The following TMEM108 variants were observed in gnomAD, a reference collection of about 807,000 sequenced individuals.
The protein encoded by TMEM108 is cancer/testis antigen 124.
A neutral mutation model predicts 35.1 loss-of-function variants in TMEM108; 12 were observed. The observed-to-expected ratio is 0.34, with a 90% CI of 0.22 to 0.55. The LOEUF (loss-of-function observed/expected upper bound fraction) is 0.55, where lower values mean the gene tolerates loss of function less well. Ranked by LOEUF, TMEM108 falls within the 20% of genes least tolerant of loss-of-function variation. The pLI is 0.89. For synonymous variants in TMEM108, 287 were observed against 308.6 expected, an observed-to-expected ratio of 0.93 and a Z score of 0.73; for missense variants, 680 against 753.3, an observed-to-expected ratio of 0.90 and a Z score of 1.14.
chr3:133,203,606 T>C (rs1243059442), intron 2 of TMEM108, among the ~76,000 whole-genome samples: 1 of 152,230 alleles, frequency 6.6e-6, no homozygotes, highest in Admixed American at 6.5e-5. Context: ...TTCATTGATT[T>C]GCATATGTTG....
intron 2 of TMEM108, among the ~76,000 whole-genome samples, chr3:133,227,242 G>C (rs528298753): frequency 2.2e-5 from 3 of 138,918 alleles, no homozygotes; most frequent in African/African-American, 8.1e-5. Context: ...GCCCAGGCTG[G>C]AGTGCAGTGG....
intron 2 of TMEM108, among the ~76,000 whole-genome samples, chr3:133,071,893 T>C (rs1279751341): frequency 6.6e-6 from 1 of 152,202 alleles, no homozygotes; most frequent in Non-Finnish European, 1.5e-5. Context: ...TCTGATATCA[T>C]ATCCAAGAAA....
intron 2 of TMEM108, among the ~76,000 whole-genome samples, chr3:133,055,310 T>C (rs987227989): frequency 2.6e-5 from 4 of 152,204 alleles, no homozygotes; most frequent in African/African-American, 9.7e-5. Flanking sequence ...TAACTCAAAT[T>C]TGTGCATATA....
chr3:133,304,470 A>G (rs573355758), intron 3 of TMEM108, among the ~76,000 whole-genome samples: 2 of 152,074 alleles, frequency 1.3e-5, no homozygotes, highest in East Asian at 1.9e-4. Flanking sequence ...TGTCACCCCA[A>G]AAAGTTTCTT....
At chr3:133,167,475 G>A (rs371574525) in intron 2 of TMEM108, among the ~76,000 whole-genome samples, 31 of 152,384 alleles carry the variant, frequency 2.0e-4, no homozygotes, top group Admixed American at 9.1e-4. Context: ...AGCTCGGGCC[G>A]TGCAGGAGCC....
At chr3:133,237,810 T>G (rs748713391) in intron 3 of TMEM108, among the ~76,000 whole-genome samples, 1 of 152,220 alleles carries the variant, frequency 6.6e-6, no homozygotes, top group Admixed American at 6.5e-5. Flanking sequence ...AAATGCTTTT[T>G]CATTAAAAAT....
intron 3 of TMEM108, among the ~76,000 whole-genome samples, chr3:133,363,013 C>A (rs1459560834): frequency 6.6e-6 from 1 of 152,140 alleles, no homozygotes; most frequent in Non-Finnish European, 1.5e-5. Context: ...AGGAGCCAAG[C>A]AGAATGGGAT....
rs533831384 is a variant in TMEM108 at position 133,179,921 on chromosome 3, A to G, written c.-46-49345A>G. ...GCAACCCCTTATGAATTACACCTCA[A>G]TTTTAAAAAGTAGCCTCAATATAAG... On this transcript the variant is annotated intron_variant, in intron 2 of 5. Transcript: ENST00000321871. Among the ~76,000 whole-genome samples the G allele has an allele frequency of 7.2e-5, 11 of 152,190 alleles. No homozygotes were observed. The East Asian group carries it at 9.6e-4, about 13-fold the overall frequency.
chr3:133,085,955 G>A (rs1174103469), intron 2 of TMEM108, among the ~76,000 whole-genome samples: 1 of 152,092 alleles, frequency 6.6e-6, no homozygotes, highest in Non-Finnish European at 1.5e-5. Flanking sequence ...TTCTAAATCA[G>A]GGGTTTCTAT....
chr3:133,274,426 G>A (rs78261864), intron 3 of TMEM108, among the ~76,000 whole-genome samples: 2,520 of 152,230 alleles, frequency 0.017, 85 homozygotes, highest in African/African-American at 0.058. Flanking sequence ...TGCATGCACA[G>A]TGCCTGGAGG....
chr3:133,167,709 C>A (rs1259581188), intron 2 of TMEM108, among the ~76,000 whole-genome samples: 3 of 152,188 alleles, frequency 2.0e-5, no homozygotes, highest in Admixed American at 6.5e-5. Context: ...CGAGCCCACA[C>A]CCACCCGGAA....
rs189540571 is a variant in TMEM108, at chr3:133,107,182, A to G, written c.-47+61162A>G. On this transcript the variant is annotated intron_variant, in intron 2 of 5. Transcript: ENST00000321871. ...AGTATTTACAAATTAACTGAATTCT[A>G]TGTCATTTGGGCCTGGAGAGGAGTC... Among the ~76,000 whole-genome samples the G allele has an allele frequency of 7.9e-5, 12 of 152,278 alleles. No homozygotes were observed. In the East Asian group the frequency reaches 2.3e-3, roughly 29 times the overall value.
chr3:133,345,863 G>T (rs891302431), intron 3 of TMEM108, among the ~76,000 whole-genome samples: 3 of 151,906 alleles, frequency 2.0e-5, no homozygotes, highest in Non-Finnish European at 4.4e-5. Flanking sequence ...TATGAATTTT[G>T]CTGTATGCAA....
intron 3 of TMEM108, among the ~76,000 whole-genome samples, chr3:133,271,269 A>G (rs1946767881): frequency 6.6e-6 from 1 of 152,216 alleles, no homozygotes; most frequent in African/African-American, 2.4e-5. Flanking sequence ...CAGGAGGAGG[A>G]CCAGAGAATA....
intron 2 of TMEM108, among the ~76,000 whole-genome samples, chr3:133,220,277 C>G (rs1217826409): frequency 6.6e-6 from 1 of 150,864 alleles, no homozygotes; most frequent in Non-Finnish European, 1.5e-5. Context: ...ATTATTCATC[C>G]AGTCATTTTT....
intron 3 of TMEM108, among the ~76,000 whole-genome samples, chr3:133,267,066 G>A (rs1402185710): frequency 1.4e-5 from 2 of 140,146 alleles, no homozygotes; most frequent in African/African-American, 5.3e-5. Context: ...GGGCAACAGA[G>A]CAAGACTCCA....
chr3:133,066,094 G>T (rs751941985), intron 2 of TMEM108, among the ~76,000 whole-genome samples: 1 of 151,972 alleles, frequency 6.6e-6, no homozygotes, highest in Non-Finnish European at 1.5e-5. Flanking sequence ...TGGCCCAAAC[G>T]TGACATTCCT....
intron 3 of TMEM108, among the ~76,000 whole-genome samples, chr3:133,377,701 C>G (rs2072882071): frequency 6.6e-6 from 1 of 152,208 alleles, no homozygotes; most frequent in Non-Finnish European, 1.5e-5. Flanking sequence ...TGGTCTAGAT[C>G]AGGGGTCCCC....
At chr3:133,365,017 T>C (rs905719229) in intron 3 of TMEM108, among the ~76,000 whole-genome samples, 1 of 152,194 alleles carries the variant, frequency 6.6e-6, no homozygotes. Flanking sequence ...GGCAGCTCCA[T>C]TCCTTTTACA....
Sources: gnomAD v4.1 joint callset for allele counts (sites outside exome capture counted in the v4.1 genomes callset) on GRCh38, gnomAD v4.1.1 for gene constraint, MANE v1.5 for transcripts, NCBI Gene and HGNC (gene_info 2026-07-23, HGNC 2026-07-21) for gene names.